Variants in EFHC2 observed in about 807,000 individuals in gnomAD.
EFHC2 encodes the protein EF-hand domain-containing family member C2.
Under a neutral mutation model 52.7 loss-of-function variants are expected in EFHC2, and 18 were observed. The ratio of observed to expected loss-of-function variants is 0.34; its 90% CI spans 0.24 to 0.51. The LOEUF (loss-of-function observed/expected upper bound fraction) is 0.51. Ranked by LOEUF, EFHC2 falls within the 20% of genes least tolerant of loss-of-function variation. The pLI, the probability that EFHC2 is intolerant of heterozygous loss-of-function variation, is 0.97. For synonymous variants in EFHC2, 203 were observed against 204.1 expected, an observed-to-expected ratio of 0.99 and a Z score of 0.04; for missense variants, 513 against 562.5, an observed-to-expected ratio of 0.91 and a Z score of 0.89.
chrX:44,242,215 C>T lies in EFHC2; in HGVS notation c.1186G>A (p.Gly396Ser), dbSNP rs2037365043. 3.3e-6 allele frequency: 4 copies of T among 1,206,077 alleles called. No individual in the cohort carries two copies. The South Asian group carries it at 7.2e-5, about 22-fold the overall frequency. ...KIERKFPPYN[G>S]FGSEEDSLRN... Reference sequence around the variant, plus strand: ...AGAGAATCCTCTTCAGAACCAAAACCGTTGTAAGGTGGAAATTTCCTTTCT... The same window carrying T: ...AGAGAATCCTCTTCAGAACCAAAACTGTTGTAAGGTGGAAATTTCCTTTCT... Residue 396 changes from glycine (G) to serine (S), a missense_variant, in exon 8 of 15, where the codon GGT becomes AGT. Transcript: ENST00000420999.
rs1344605549 is a variant in EFHC2 at position 44,342,901 on chromosome X, T to G, written c.42+646A>C. Among the ~76,000 whole-genome samples, 127 of 81,599 alleles carry G rather than the reference T, an allele frequency of 1.6e-3. 1 individual carries two copies. Among genetic ancestry groups the G allele is most frequent in the African/African-American group, 4.6e-3 (90 of 19,416 alleles). 70.9% of individuals were successfully genotyped at this position (81,599 alleles called of 115,157 possible). A position where few individuals can be genotyped will look rare whatever the true frequency, so the allele number is the denominator to read the frequency against. On this transcript the variant is annotated intron_variant, in intron 1 of 14. Transcript: ENST00000420999. ...AAAAAAAAAAAAAGAAATGAACCCCTCCCAATTATAAATAGAGAAAAAAAA... is the reference window on the plus strand; with the variant it reads ...AAAAAAAAAAAAAGAAATGAACCCCGCCCAATTATAAATAGAGAAAAAAAA...
chrX:44,296,856 T>C lies in EFHC2; in HGVS notation c.231+15712A>G, dbSNP rs185124148. 2.1e-4 allele frequency among the ~76,000 whole-genome samples: 24 copies of C among 112,058 alleles called. No homozygotes were observed. In the East Asian group the frequency reaches 5.0e-3, roughly 24 times the overall value. ...ACAATTGGAAAGAGCAATACAATGATAGCTTAATAGCTGCTTTTTAGAACT... is the reference window on the plus strand; with the variant it reads ...ACAATTGGAAAGAGCAATACAATGACAGCTTAATAGCTGCTTTTTAGAACT... On this transcript the variant is annotated intron_variant, in intron 2 of 14. Coordinates refer to ENST00000420999, the MANE Select transcript of EFHC2 (RefSeq NM_025184.4).
intron 2 of EFHC2, among the ~76,000 whole-genome samples, chrX:44,301,254 C>T (rs1046108924): frequency 2.7e-5 from 3 of 109,591 alleles, no homozygotes; most frequent in Non-Finnish European, 5.7e-5. Flanking sequence ...CAATTCAGTG[C>T]AAGAGGACAG....
chrX:44,248,028 A>G (rs1439104749), intron 7 of EFHC2, among the ~76,000 whole-genome samples: 1 of 111,688 alleles, frequency 9.0e-6, no homozygotes, highest in Non-Finnish European at 1.9e-5. Context: ...TGCTCACTGT[A>G]TAACCTTGGA....
At chrX:44,317,360 G>A (rs767063994) in intron 1 of EFHC2, among the ~76,000 whole-genome samples, 7 of 112,452 alleles carry the variant, frequency 6.2e-5, no homozygotes, top group Non-Finnish European at 1.1e-4. Flanking sequence ...AAAGTTTGCT[G>A]TTTACTCATA....
chrX:44,322,633 T>C (rs2038028397), intron 1 of EFHC2, among the ~76,000 whole-genome samples: 1 of 111,968 alleles, frequency 8.9e-6, no homozygotes, highest in African/African-American at 3.2e-5. Flanking sequence ...ATGTCTAAAG[T>C]GAGAATAATA....
intron 2 of EFHC2, chrX:44,284,801 G>A (rs2037738809): frequency 8.9e-6 from 1 of 111,962 alleles, no homozygotes; most frequent in African/African-American, 3.2e-5. Context: ...CCAAAGTAGA[G>A]TCATTTGTGA....
chrX:44,200,786 T>C (rs919444845), intron 11 of EFHC2, among the ~76,000 whole-genome samples: 6 of 111,653 alleles, frequency 5.4e-5, no homozygotes, highest in Non-Finnish European at 7.5e-5. Context: ...CCAAGATGCA[T>C]TGTAATAAAA....
intron 11 of EFHC2, among the ~76,000 whole-genome samples, chrX:44,179,172 T>TAA (rs200238279): frequency 3.0e-5 from 3 of 101,052 alleles, no homozygotes; most frequent in Admixed American, 2.1e-4. Context: ...TAGGCAGAGC[T>TAA]AAAAAAAAAA....
At chrX:44,310,276 C>CT in intron 2 of EFHC2, 1 of 860,581 alleles carries the variant, frequency 1.2e-6, no homozygotes, top group African/African-American at 2.7e-5. Flanking sequence ...GGCTCATCCT[C>CT]CACGCCGGGG....
intron 11 of EFHC2, among the ~76,000 whole-genome samples, chrX:44,200,130 A>C (rs921908645): frequency 2.7e-5 from 3 of 111,952 alleles, no homozygotes; most frequent in African/African-American, 9.7e-5. Flanking sequence ...AACATAGAAA[A>C]AGCTGGGTGA....
chrX:44,340,552 G>A (rs189825179), intron 1 of EFHC2, among the ~76,000 whole-genome samples: 7 of 111,136 alleles, frequency 6.3e-5, no homozygotes, highest in East Asian at 2.8e-4. Flanking sequence ...CCAGCTACTC[G>A]GGAGGCTGAG....
chrX:44,179,066 GA>G (rs1037093009), intron 11 of EFHC2, among the ~76,000 whole-genome samples: 4 of 99,250 alleles, frequency 4.0e-5, no homozygotes, highest in South Asian at 4.5e-4. Context: ...CTGGCAGTGA[GA>G]AAAAAAAACA....
chrX:44,242,303 A>G lies in EFHC2; in HGVS notation c.1112-14T>C. 3.3e-6 allele frequency: 4 copies of G among 1,197,169 alleles called. No homozygotes were observed. Among genetic ancestry groups the G allele is most frequent in the Non-Finnish European group, 4.5e-6 (4 of 889,178 alleles). ...AGGTAAAGTTCTCTAGAACAAAACAAAGGCAAACAAAACATCAATATTTTT... is the reference window on the plus strand; with the variant it reads ...AGGTAAAGTTCTCTAGAACAAAACAGAGGCAAACAAAACATCAATATTTTT... On this transcript the variant is annotated splice_polypyrimidine_tract_variant and intron_variant, in intron 7 of 14. Coordinates refer to ENST00000420999, the MANE Select transcript of EFHC2 (RefSeq NM_025184.4).
In EFHC2 at chrX:44,168,082, C is replaced by G. The variant is rs142336842; in HGVS notation, c.2043-4055G>C. On this transcript the variant is annotated intron_variant, in intron 13 of 14. Coordinates refer to ENST00000420999, the MANE Select transcript of EFHC2 (RefSeq NM_025184.4). ...ACTTGGCAGAGCTGAGGAAGAGAAG[C>G]TGAACCCTAAATGTCCCTGTCAGTG... 3.4e-3 allele frequency among the ~76,000 whole-genome samples: 381 copies of G among 111,599 alleles called. 1 individual carries two copies. Among genetic ancestry groups the G allele is most frequent in the African/African-American group, 8.8e-3 (269 of 30,701 alleles).
chrX:44,226,332 A>G (rs1379087717), intron 11 of EFHC2, among the ~76,000 whole-genome samples: 2 of 111,379 alleles, frequency 1.8e-5, no homozygotes, highest in Non-Finnish European at 3.8e-5. Context: ...GATGTAAAGA[A>G]GGGAAAGTTC....
chrX:44,165,523 G>A (rs1467038743), intron 13 of EFHC2, among the ~76,000 whole-genome samples: 1 of 111,815 alleles, frequency 8.9e-6, no homozygotes, highest in African/African-American at 3.2e-5. Context: ...TTTTATTTGT[G>A]TATGTTTTGG....
At chrX:44,219,529 AAAGTT>A (rs928649418) in intron 11 of EFHC2, among the ~76,000 whole-genome samples, 1 of 111,565 alleles carries the variant, frequency 9.0e-6, no homozygotes, top group Non-Finnish European at 1.9e-5. Context: ...CAAAGCAAGT[AAAGTT>A]AAGAGGTTAA....
rs1256152561 is a variant in EFHC2, at chrX:44,186,709, C to T, written c.1752-8145G>A. ...TCACACAACGGTTGAATACAAAACA[C>T]AGTCTGTGCCATATTGGTGCTTGTA... On this transcript the variant is annotated intron_variant, in intron 11 of 14. Coordinates refer to ENST00000420999, the MANE Select transcript of EFHC2 (RefSeq NM_025184.4). Among the ~76,000 whole-genome samples the T allele has an allele frequency of 3.6e-5, 4 of 111,827 alleles. No individual in the cohort carries two copies. The Admixed American group carries it at 3.8e-4, about 11-fold the overall frequency.
Sources: allele counts gnomAD v4.1 joint callset (sites outside exome capture counted in the v4.1 genomes callset), GRCh38; gene constraint gnomAD v4.1.1; transcripts MANE v1.5; gene names NCBI Gene and HGNC (gene_info 2026-07-23, HGNC 2026-07-21).